The following WIPI2 variants were observed in gnomAD, a reference collection of about 807,000 sequenced individuals.
The protein encoded by WIPI2 is WD repeat domain, phosphoinositide interacting 2.
In WIPI2, 28 loss-of-function variants were observed where a neutral mutation model predicts 52.3. The observed-to-expected ratio is 0.54, with a 90% CI of 0.40 to 0.73. WIPI2 has a LOEUF of 0.73. Among genes scored for constraint, WIPI2 ranks in the 30% least tolerant of loss-of-function variants. WIPI2 has a pLI of 0.00. For missense variants in WIPI2, 506 were observed against 602.9 expected, an observed-to-expected ratio of 0.84 and a Z score of 1.68; for synonymous variants, 268 against 245.0, an observed-to-expected ratio of 1.09 and a Z score of -0.88.
intron 2 of WIPI2, among the ~76,000 whole-genome samples, chr7:5,194,160 G>T (rs1301897200): frequency 6.6e-6 from 1 of 152,076 alleles, no homozygotes; most frequent in Non-Finnish European, 1.5e-5. Context: ...CTCTGCTTGG[G>T]GATACTGATG....
chr7:5,190,370 C>T lies in WIPI2; in HGVS notation c.-50C>T, dbSNP rs911665210. ...CGACCCTGAGTGCAGCCTGACCCGC[C>T]CTCGCGCGCGCGCCCTCCCCGGCCG... On this transcript the variant is annotated 5_prime_UTR_variant, in exon 1 of 13. Transcript: ENST00000288828. 1.2e-5 allele frequency: 16 copies of T among 1,291,442 alleles called. No homozygotes were observed. The Middle Eastern group carries it at 1.0e-3, about 82-fold the overall frequency. The allele number at this position is 1,291,442 out of a possible 1,614,324, so 80.0% of individuals were successfully genotyped here.
At position 5,231,905 on chromosome 7, in the gene WIPI2, G is replaced by C. The variant is rs888223993; in HGVS notation, c.*958G>C. ...GAGGTCGTAGCGGGAGACAGCAACA[G>C]AGAGTAGGCGGCTGGGCCACGTCCT... On this transcript the variant is annotated 3_prime_UTR_variant, in exon 13 of 13. Transcript: ENST00000288828. 3.3e-6 allele frequency: 1 copy of C among 306,694 alleles called. No individual in the cohort carries two copies. The highest frequency in any genetic ancestry group is 2.1e-5 in the African/African-American group (1 of 46,754). 19.0% of individuals were successfully genotyped at this position (306,694 alleles called of 1,614,324 possible). A position where few individuals can be genotyped will look rare whatever the true frequency, so the allele number is the denominator to read the frequency against.
intron 8 of WIPI2, among the ~76,000 whole-genome samples, chr7:5,223,346 C>A (rs1436437111): frequency 6.6e-6 from 1 of 152,196 alleles, no homozygotes; most frequent in Non-Finnish European, 1.5e-5. Flanking sequence ...CGGATCAGTA[C>A]CTCCCTCCCT....
chr7:5,225,003 A>G (rs59863322), intron 8 of WIPI2, among the ~76,000 whole-genome samples: 3,220 of 152,248 alleles, frequency 0.021, 127 homozygotes, highest in African/African-American at 0.074. Flanking sequence ...ACCCCTTGCT[A>G]TTACGGACAG....
At chr7:5,196,679 A>T (rs186031298) in intron 2 of WIPI2, among the ~76,000 whole-genome samples, 5 of 152,302 alleles carry the variant, frequency 3.3e-5, no homozygotes, top group Admixed American at 2.0e-4. Context: ...CATTTTATAC[A>T]TAATGCTAAT....
intron 1 of WIPI2, among the ~76,000 whole-genome samples, chr7:5,191,129 C>G (rs1277498410): frequency 6.6e-6 from 1 of 152,092 alleles, no homozygotes; most frequent in Admixed American, 6.5e-5. Flanking sequence ...AAGCGATTCT[C>G]CTGCCTCAGC....
At chr7:5,190,536 T>C in intron 1 of WIPI2, 43 bp downstream of exon 1, 3 of 1,442,456 alleles carry the variant, frequency 2.1e-6, no homozygotes, top group Admixed American at 2.6e-5. Flanking sequence ...GAGGCCAGGG[T>C]CGGACCCGGG....
In WIPI2 at chr7:5,193,122, G is replaced by T. The variant is rs1208134528; in HGVS notation, c.79G>T (p.Val27Leu). ...TTGTTTTGTTTTTTTACCTAGAGAA[G>T]TGAAAGGGGCATCAAGAGCAGCTGG... is the stretch of plus-strand genomic sequence containing the variant. The part of the protein sequence containing the change: ...FANFNQDNTE[V>L]KGASRAAGLG... The change falls in exon 2 of 13, where the codon GTG becomes TTG. Residue 27 changes from valine (V) to leucine (L), a missense_variant. Coordinates refer to ENST00000288828, the MANE Select transcript of WIPI2 (RefSeq NM_015610.4). The T allele has an allele frequency of 1.9e-6, 3 of 1,613,832 alleles. No homozygotes were observed. In the African/African-American group the frequency reaches 4.0e-5, roughly 22 times the overall value.
At chr7:5,208,534 A>G (rs751386451) in intron 3 of WIPI2, among the ~76,000 whole-genome samples, 1 of 151,904 alleles carries the variant, frequency 6.6e-6, no homozygotes, top group African/African-American at 2.4e-5. Context: ...AAAGCTTTAT[A>G]TAGTTAACAC....
intron 7 of WIPI2, among the ~76,000 whole-genome samples, chr7:5,221,007 A>C (rs1248442385): frequency 3.1e-5 from 4 of 128,890 alleles, no homozygotes; most frequent in Non-Finnish European, 3.1e-5. Flanking sequence ...TGTGTCACCC[A>C]GGCTCAAGTG....
chr7:5,195,957 T>A (rs1451601626), intron 2 of WIPI2, among the ~76,000 whole-genome samples: 1 of 151,928 alleles, frequency 6.6e-6, no homozygotes, highest in Admixed American at 6.6e-5. Flanking sequence ...GAGAATCACT[T>A]GAACCGGGAG....
At chr7:5,205,913 C>T (rs1326652930) in intron 3 of WIPI2, among the ~76,000 whole-genome samples, 3 of 149,030 alleles carry the variant, frequency 2.0e-5, no homozygotes, top group Admixed American at 2.0e-4. Flanking sequence ...CTGTTTCTGC[C>T]GTTTGCCTGT....
At chr7:5,195,843 A>G (rs931660196) in intron 2 of WIPI2, among the ~76,000 whole-genome samples, 1 of 151,888 alleles carries the variant, frequency 6.6e-6, no homozygotes, top group Non-Finnish European at 1.5e-5. Context: ...GTTCGAGACC[A>G]GCCTGGCCAA....
At chr7:5,218,240 A>G (rs756906909) in intron 7 of WIPI2, 2 of 497,586 alleles carry the variant, frequency 4.0e-6, no homozygotes, top group Non-Finnish European at 7.3e-6. Flanking sequence ...GTAGTAGAAA[A>G]TACAGAAATG....
chr7:5,228,457 C>T (rs1438343336), intron 11 of WIPI2, among the ~76,000 whole-genome samples: 2 of 152,318 alleles, frequency 1.3e-5, no homozygotes, highest in East Asian at 3.9e-4. Context: ...GGCACAGAGG[C>T]GACGCAGGGG....
chr7:5,213,775 C>A (rs1342483484), intron 3 of WIPI2, among the ~76,000 whole-genome samples: 1 of 151,974 alleles, frequency 6.6e-6, no homozygotes, highest in African/African-American at 2.4e-5. Flanking sequence ...AAGCTCCGTC[C>A]CCCGGGTTCA....
rs1055767659 is a variant in WIPI2, at chr7:5,232,247, G to A, written c.*1300G>A. The A allele has an allele frequency of 4.0e-5, 16 of 398,566 alleles. No homozygotes were observed. The highest frequency in any genetic ancestry group is 8.2e-5 in the African/African-American group (4 of 48,644). The allele number at this position is 398,566 out of a possible 1,614,324, so 24.7% of individuals were successfully genotyped here. A position where few individuals can be genotyped will look rare whatever the true frequency, so the allele number is the denominator to read the frequency against. On this transcript the variant is annotated 3_prime_UTR_variant, in exon 13 of 13. Transcript: ENST00000288828. ...CTTTGCAGGCTGGGGTTTTTGAACCGAGGAAGGCTGGGACGCCTGTTTCCA... is the reference window on the plus strand; with the variant it reads ...CTTTGCAGGCTGGGGTTTTTGAACCAAGGAAGGCTGGGACGCCTGTTTCCA...
At chr7:5,222,918 G>A (rs1295771222) in intron 8 of WIPI2, 8 of 429,846 alleles carry the variant, frequency 1.9e-5, no homozygotes, top group South Asian at 6.6e-5. Flanking sequence ...AAGAGCTCAC[G>A]CAACCAGGTG....
chr7:5,226,011 G>T, intron 9 of WIPI2, 81 bp downstream of exon 9: 2 of 1,358,054 alleles, frequency 1.5e-6, no homozygotes, highest in Non-Finnish European at 2.0e-6. Flanking sequence ...AGGTAAGCAC[G>T]GACCCGCCCA....
Sources: allele counts gnomAD v4.1 joint callset (sites outside exome capture counted in the v4.1 genomes callset), GRCh38; gene constraint gnomAD v4.1.1; transcripts MANE v1.5; gene names NCBI Gene and HGNC (gene_info 2026-07-23, HGNC 2026-07-21).